Variants in CLHC1 observed in about 807,000 individuals in gnomAD.
CLHC1 encodes the protein clathrin heavy chain linker domain-containing protein 1.
Under a neutral mutation model 69.5 loss-of-function variants are expected in CLHC1, and 72 were observed. The ratio of observed to expected loss-of-function variants is 1.04; its 90% CI spans 0.86 to 1.26. CLHC1 has a LOEUF of 1.26. Ranked by LOEUF, CLHC1 falls within the 50% of genes most tolerant of loss-of-function variation. The pLI, the probability that CLHC1 is intolerant of heterozygous loss-of-function variation, is 0.00. For missense variants in CLHC1, 790 were observed against 679.3 expected (o/e 1.16, Z -1.81); for synonymous variants, 223 against 224.3 (o/e 0.99, Z 0.05).
intron 9 of CLHC1, among the ~76,000 whole-genome samples, chr2:55,186,630 G>T (rs1670439715): frequency 6.6e-6 from 1 of 151,970 alleles, no homozygotes; most frequent in Non-Finnish European, 1.5e-5. Context: ...CAGGCATGGT[G>T]GGTATGCCTA....
At chr2:55,185,999 C>T (rs1301006720) in intron 9 of CLHC1, among the ~76,000 whole-genome samples, 1 of 152,170 alleles carries the variant, frequency 6.6e-6, no homozygotes, top group Non-Finnish European at 1.5e-5. Context: ...TTAATTGATT[C>T]TAAGCTATCA....
In CLHC1 at chr2:55,209,475, C is replaced by T; in HGVS notation, c.743G>A (p.Trp248Ter). The change falls in exon 7 of 13, where the codon TGG (tryptophan) becomes TAG (stop). Residue 248 changes from tryptophan (W) to a stop codon, truncating the protein, a stop_gained. Coordinates refer to ENST00000401408, the MANE Select transcript of CLHC1 (RefSeq NM_152385.4). LOFTEE classifies it high-confidence loss of function. ...TGGGCTGCTCATATCAGATTTTACCCATGAACTAAGTGCCTGTGAAATTAT... is the reference window on the plus strand; with the variant it reads ...TGGGCTGCTCATATCAGATTTTACCTATGAACTAAGTGCCTGTGAAATTAT... ...LQIISQALSS[W>*]VKSDMSSPFQ... is the part of the protein sequence containing the mutation. 2 of 1,612,332 alleles carry T rather than the reference C, an allele frequency of 1.2e-6. No individual in the cohort carries two copies. Among genetic ancestry groups the T allele is most frequent in the Non-Finnish European group, 1.7e-6 (2 of 1,179,512 alleles).
intron 3 of CLHC1, among the ~76,000 whole-genome samples, chr2:55,218,994 A>C (rs1265262596): frequency 2.0e-5 from 3 of 152,190 alleles, no homozygotes; most frequent in Non-Finnish European, 4.4e-5. Flanking sequence ...TGAGCAAATG[A>C]TATAAGGAGA....
chr2:55,198,054 T>C (rs1036445608), intron 9 of CLHC1, among the ~76,000 whole-genome samples: 2 of 152,108 alleles, frequency 1.3e-5, no homozygotes, highest in Non-Finnish European at 1.5e-5. Flanking sequence ...AAAAATGCAA[T>C]TGACATGCTG....
chr2:55,216,641 C>A (rs960892420), intron 4 of CLHC1, among the ~76,000 whole-genome samples: 1 of 151,940 alleles, frequency 6.6e-6, no homozygotes, highest in African/African-American at 2.4e-5. Flanking sequence ...TCAACCAATC[C>A]TTCCACCTCA....
At chr2:55,222,539 T>G in intron 2 of CLHC1, 46 bp from the exon 3 acceptor site, 1 of 647,342 alleles carries the variant, frequency 1.5e-6, no homozygotes, top group Admixed American at 3.2e-5. Flanking sequence ...TTTTTTAACT[T>G]AAGTCAAATA....
intron 3 of CLHC1, among the ~76,000 whole-genome samples, chr2:55,221,177 C>T (rs914217268): frequency 1.3e-4 from 20 of 151,970 alleles, no homozygotes; most frequent in Non-Finnish European, 2.8e-4. Context: ...TCTCAGAGAC[C>T]AACAGTTTAC....
At chr2:55,199,316 A>G (rs966430612) in intron 9 of CLHC1, among the ~76,000 whole-genome samples, 96 of 151,186 alleles carry the variant, frequency 6.3e-4, no homozygotes, top group Admixed American at 5.0e-3. Context: ...AAAAAAAAAA[A>G]AAAAAGAAAT....
chr2:55,183,467 T>C (rs1232850942), intron 9 of CLHC1, among the ~76,000 whole-genome samples: 1 of 152,242 alleles, frequency 6.6e-6, no homozygotes, highest in African/African-American at 2.4e-5. Context: ...AACTGATCTA[T>C]GATCCAGTTT....
chr2:55,223,891 G>A (rs1383304344), intron 2 of CLHC1: 1 of 152,282 alleles, frequency 6.6e-6, no homozygotes, highest in African/African-American at 2.4e-5. Flanking sequence ...CGCCTCCCGA[G>A]TTCACGCGAT....
chr2:55,197,279 T>C lies in CLHC1; in HGVS notation c.1006+8991A>G, dbSNP rs143728157. Among the ~76,000 whole-genome samples the C allele has an allele frequency of 6.8e-4, 104 of 152,120 alleles. 2 individuals carry two copies. Among genetic ancestry groups the C allele is most frequent in the East Asian group, 1.4e-3 (7 of 5,182 alleles). On this transcript the variant is annotated intron_variant, in intron 9 of 12. Transcript: ENST00000401408. The stretch of plus-strand genomic sequence containing the variant: ...CCCAGGCCTAGGGAACTCACTACCA[T>C]GAAGGAAAAAAAACAAGCCTGGATG...
At chr2:55,213,305 G>A (rs1435796028) in intron 4 of CLHC1, among the ~76,000 whole-genome samples, 2 of 152,176 alleles carry the variant, frequency 1.3e-5, no homozygotes, top group Non-Finnish European at 2.9e-5. Flanking sequence ...TGGGGCTGCA[G>A]GCATTCTGAC....
intron 9 of CLHC1, among the ~76,000 whole-genome samples, chr2:55,205,490 G>C (rs920685975): frequency 5.3e-5 from 8 of 151,918 alleles, no homozygotes; most frequent in African/African-American, 1.5e-4. Context: ...ATTATCCTAA[G>C]TAAAATAAAT....
intron 3 of CLHC1, among the ~76,000 whole-genome samples, chr2:55,219,155 T>C (rs909356206): frequency 6.6e-6 from 1 of 152,192 alleles, no homozygotes; most frequent in Non-Finnish European, 1.5e-5. Context: ...TTAAGTACCC[T>C]GTTGCTCCTG....
rs1336599059 is a variant in CLHC1 at position 55,211,436 on chromosome 2, A to G, written c.499+1237T>C. On this transcript the variant is annotated intron_variant, in intron 5 of 12. Transcript: ENST00000401408. ...AGAATGGTGTGAACCCAGGAGGCGG[A>G]GCTTGCAGTGAGCCAAGATCAGGCC... is the stretch of plus-strand genomic sequence containing the variant. Among the ~76,000 whole-genome samples the G allele has an allele frequency of 2.7e-4, 40 of 146,536 alleles. No homozygotes were observed. The Admixed American group carries it at 2.8e-3, about 10-fold the overall frequency.
intron 9 of CLHC1, among the ~76,000 whole-genome samples, chr2:55,197,326 A>G (rs1479170627): frequency 6.6e-6 from 1 of 152,236 alleles, no homozygotes; most frequent in African/African-American, 2.4e-5. Flanking sequence ...TGTTGATTGT[A>G]GAGCCCTAGG....
At chr2:55,230,944 T>A (rs12616435) in intron 1 of CLHC1, among the ~76,000 whole-genome samples, 56,168 of 151,940 alleles carry the variant, frequency 0.37, 12,153 homozygotes, top group East Asian at 0.54. Flanking sequence ...GTTGGCGGAC[T>A]AGGGGATGAA....
intron 5 of CLHC1, among the ~76,000 whole-genome samples, chr2:55,211,821 G>C (rs917772772): frequency 1.3e-5 from 2 of 152,122 alleles, no homozygotes; most frequent in African/African-American, 4.8e-5. Flanking sequence ...TGAATTCCAG[G>C]ATATACTACA....
chr2:55,204,684 A>G (rs1672269524), intron 9 of CLHC1, among the ~76,000 whole-genome samples: 1 of 152,218 alleles, frequency 6.6e-6, no homozygotes. Flanking sequence ...AAGCAACCTA[A>G]GTGTCCATCA....
Sources: gnomAD v4.1 joint callset for allele counts (sites outside exome capture counted in the v4.1 genomes callset) on GRCh38, gnomAD v4.1.1 for gene constraint, MANE v1.5 for transcripts, NCBI Gene and HGNC (gene_info 2026-07-23, HGNC 2026-07-21) for gene names.